Variants in PROM1 observed in about 807,000 individuals in gnomAD.
The protein encoded by PROM1 is prominin 1, also known as prominin-1.
A neutral mutation model predicts 116.9 loss-of-function variants in PROM1; 105 were observed. The ratio of observed to expected loss-of-function variants is 0.90; its 90% CI spans 0.77 to 1.06. The LOEUF is 1.06. Ranked by LOEUF, PROM1 falls within the 50% of genes least tolerant of loss-of-function variation. The pLI, the probability that PROM1 is intolerant of heterozygous loss-of-function variation, is 0.00. For missense variants in PROM1, 1,122 were observed against 1,045.2 expected, an observed-to-expected ratio of 1.07 and a Z score of -1.01; for synonymous variants, 393 against 387.0, an observed-to-expected ratio of 1.02 and a Z score of -0.18.
At chr4:16,010,770 G>T (rs902703898) in intron 11 of PROM1, among the ~76,000 whole-genome samples, 1 of 152,092 alleles carries the variant, frequency 6.6e-6, no homozygotes, top group Non-Finnish European at 1.5e-5. Flanking sequence ...CAAAGTGCTG[G>T]GATTATAGCA....
intron 19 of PROM1, among the ~76,000 whole-genome samples, chr4:15,988,494 G>T (rs937201585): frequency 6.6e-6 from 1 of 152,210 alleles, no homozygotes; most frequent in Admixed American, 6.5e-5. Flanking sequence ...GTTTGCAAAT[G>T]AGTGGGTGTG....
intron 2 of PROM1, among the ~76,000 whole-genome samples, chr4:16,051,559 T>C (rs1214715462): frequency 1.3e-5 from 2 of 152,198 alleles, no homozygotes; most frequent in African/African-American, 4.8e-5. Context: ...GATTTTACGC[T>C]ACAAGATGCT....
At chr4:15,987,793 A>T in intron 19 of PROM1, 77 bp from the exon 20 acceptor site, 1 of 1,192,090 alleles carries the variant, frequency 8.4e-7, no homozygotes, top group South Asian at 1.3e-5. Flanking sequence ...CTCCCTTCCC[A>T]CAAGATAGCC....
intron 2 of PROM1, among the ~76,000 whole-genome samples, chr4:16,061,947 A>G (rs28715635): frequency 0.061 from 8,271 of 135,264 alleles, 757 homozygotes; most frequent in African/African-American, 0.22. Flanking sequence ...GCTGGAGTGC[A>G]GTGGCGCGAT....
At chr4:16,042,507 T>C (rs1048704176) in intron 2 of PROM1, among the ~76,000 whole-genome samples, 4 of 152,238 alleles carry the variant, frequency 2.6e-5, no homozygotes, top group African/African-American at 7.2e-5. Flanking sequence ...ATTCAGGTGA[T>C]GGATACTCTA....
At position 16,016,111 on chromosome 4, in the gene PROM1, GTCC is replaced by G. The variant is rs1728315472; in HGVS notation, c.1077+52_1077+54del. On this transcript the variant is annotated intron_variant, in intron 10 of 27. Transcript: ENST00000447510. ...CTATTTCCTATTTTCTTATGTACTA[GTCC>G]ACCCTTTAAAATGATATAAAATCAG... 2.8e-6 allele frequency: 4 copies of G among 1,428,474 alleles called. No individual in the cohort carries two copies. The East Asian group carries it at 9.9e-5, about 36-fold the overall frequency. The allele number at this position is 1,428,474 out of a possible 1,614,324, so 88.5% of individuals were successfully genotyped here.
chr4:16,019,802 G>A (rs1729349787), intron 8 of PROM1, among the ~76,000 whole-genome samples: 1 of 151,956 alleles, frequency 6.6e-6, no homozygotes, highest in East Asian at 1.9e-4. Flanking sequence ...AAGAATGAAT[G>A]CCCTTAAAAA....
intron 2 of PROM1, among the ~76,000 whole-genome samples, chr4:16,074,684 TAA>T (rs1275200601): frequency 2.0e-5 from 3 of 152,132 alleles, no homozygotes; most frequent in Non-Finnish European, 4.4e-5. Flanking sequence ...CTAAGACAAA[TAA>T]GTGTTAAAAA....
intron 2 of PROM1, among the ~76,000 whole-genome samples, chr4:16,071,825 C>T (rs534528010): frequency 4.0e-4 from 61 of 152,278 alleles, no homozygotes; most frequent in African/African-American, 1.4e-3. Context: ...GTAGGACACT[C>T]ATATTGGAAC....
chr4:16,044,086 T>A (rs1244078789), intron 2 of PROM1, among the ~76,000 whole-genome samples: 1 of 152,236 alleles, frequency 6.6e-6, no homozygotes, highest in Admixed American at 6.5e-5. Context: ...GTGCGATTTA[T>A]GAGTTTTGTG....
chr4:15,977,662 G>C (rs543272185), intron 26 of PROM1, among the ~76,000 whole-genome samples: 12 of 152,250 alleles, frequency 7.9e-5, no homozygotes, highest in African/African-American at 2.6e-4. Context: ...GCAGTGGCAC[G>C]ATCTCAGCTC....
At chr4:16,006,943 C>T (rs1725671753) in intron 12 of PROM1, among the ~76,000 whole-genome samples, 1 of 152,082 alleles carries the variant, frequency 6.6e-6, no homozygotes, top group Non-Finnish European at 1.5e-5. Context: ...GGGATCATTG[C>T]CTCCTTCCTT....
rs375358457 is a variant in PROM1, at chr4:15,987,681, G to A, written c.2112C>T (p.Arg704=). 1,317 of 1,611,252 alleles carry A rather than the reference G, an allele frequency of 8.2e-4. 1 individual carries two copies. The highest frequency in any genetic ancestry group is 1.1e-3 in the Non-Finnish European group (1,257 of 1,179,098). Residue 704 remains arginine, a synonymous_variant, in exon 20 of 28, where the codon CGC becomes CGT. Coordinates refer to ENST00000447510, the MANE Select transcript of PROM1 (RefSeq NM_006017.3). ...CCCTTACCAACAATCCATTCCCTGT[G>A]CGTTGAAGTATCTTGACGCTTTGGT... The part of the protein sequence containing the change: ...TLYQSVKILQ[R]TGNGLLERVT...
intron 2 of PROM1, among the ~76,000 whole-genome samples, chr4:16,045,739 A>G (rs941317514): frequency 6.6e-6 from 1 of 152,252 alleles, no homozygotes; most frequent in Non-Finnish European, 1.5e-5. Context: ...TTTTTAAGAC[A>G]TCTTCACTGA....
chr4:16,010,247 G>A (rs993572902), intron 11 of PROM1, among the ~76,000 whole-genome samples: 5 of 152,156 alleles, frequency 3.3e-5, no homozygotes, highest in African/African-American at 9.7e-5. Context: ...AACCTTGGGT[G>A]CAGGATTTCA....
At chr4:16,060,882 C>A (rs146770446) in intron 2 of PROM1, among the ~76,000 whole-genome samples, 2,458 of 152,184 alleles carry the variant, frequency 0.016, 35 homozygotes, top group Non-Finnish European at 0.025. Flanking sequence ...TAATTGAGCC[C>A]ATTCGATGAT....
In PROM1 at chr4:15,979,510, T is replaced by C. The variant is rs771714944; in HGVS notation, c.2514-47A>G. On this transcript the variant is annotated intron_variant, in intron 25 of 27. Coordinates refer to ENST00000447510, the MANE Select transcript of PROM1 (RefSeq NM_006017.3). ...CAAAAACACCATGTTATCTCTAAGA[T>C]GAAGTATTTACATCATGGATTACAA... is the stretch of plus-strand genomic sequence containing the variant. The C allele has an allele frequency of 5.7e-6, 9 of 1,572,162 alleles. No individual in the cohort carries two copies. In the South Asian group the frequency reaches 1.1e-4, roughly 19 times the overall value.
chr4:16,044,910 T>C (rs1016649560), intron 2 of PROM1, among the ~76,000 whole-genome samples: 2 of 152,100 alleles, frequency 1.3e-5, no homozygotes, highest in African/African-American at 4.8e-5. Context: ...CAAAAAGTGG[T>C]AAGTCTCTGG....
At chr4:15,975,185 A>T (rs2149000166) in intron 26 of PROM1, among the ~76,000 whole-genome samples, 1 of 152,330 alleles carries the variant, frequency 6.6e-6, no homozygotes, top group Admixed American at 6.5e-5. Flanking sequence ...TTGTTACCTC[A>T]TTGAACCCTC....
Sources: allele counts gnomAD v4.1 joint callset (sites outside exome capture counted in the v4.1 genomes callset), GRCh38; gene constraint gnomAD v4.1.1; transcripts MANE v1.5; gene names NCBI Gene and HGNC (gene_info 2026-07-23, HGNC 2026-07-21).